IGF2BP2: variants seen among roughly 807,000 people sequenced by gnomAD.
IGF2BP2 encodes the protein insulin like growth factor 2 mRNA binding protein 2, also known as insulin-like growth factor 2 mRNA-binding protein 2.
A neutral mutation model predicts 75.8 loss-of-function variants in IGF2BP2; 17 were observed. The ratio of observed to expected loss-of-function variants is 0.22; its 90% CI spans 0.15 to 0.34. The LOEUF (loss-of-function observed/expected upper bound fraction) is 0.34, where lower values mean the gene tolerates loss of function less well. Among genes scored for constraint, IGF2BP2 ranks in the 10% least tolerant of loss-of-function variants. The pLI is 1.00. For missense variants in IGF2BP2, 516 were observed against 772.4 expected, an observed-to-expected ratio of 0.67 and a Z score of 3.93; for synonymous variants, 288 against 295.6, an observed-to-expected ratio of 0.97 and a Z score of 0.26.
chr3:185,710,152 ATTTT>A (rs567527407), intron 2 of IGF2BP2, among the ~76,000 whole-genome samples: 13 of 117,540 alleles, frequency 1.1e-4, no homozygotes, highest in South Asian at 2.6e-4. Flanking sequence ...GTAGTTTTAG[ATTTT>A]TTTTTTTTTT....
intron 7 of IGF2BP2, among the ~76,000 whole-genome samples, chr3:185,679,839 C>T (rs750601171): frequency 1.4e-4 from 22 of 152,166 alleles, no homozygotes; most frequent in Non-Finnish European, 2.5e-4. Flanking sequence ...TGGTCTTCAA[C>T]TCCTGACCTT....
At chr3:185,724,145 G>C (rs552867394) in intron 2 of IGF2BP2, among the ~76,000 whole-genome samples, 1 of 152,316 alleles carries the variant, frequency 6.6e-6, no homozygotes, top group South Asian at 2.1e-4. Flanking sequence ...CAGAAGAAGA[G>C]AGCCTTCCAG....
intron 2 of IGF2BP2, 73 bp from the exon 3 acceptor site, chr3:185,698,420 T>TA: frequency 1.7e-5 from 23 of 1,379,744 alleles, no homozygotes; most frequent in Non-Finnish European, 2.3e-5. Flanking sequence ...AAAACCGGCT[T>TA]AAACCCGTCA....
intron 2 of IGF2BP2, among the ~76,000 whole-genome samples, chr3:185,807,915 G>A (rs754252873): frequency 2.0e-5 from 3 of 152,192 alleles, no homozygotes; most frequent in Non-Finnish European, 4.4e-5. Context: ...GAAAGATGAT[G>A]AGTCAGAACA....
chr3:185,811,605 T>C (rs1739836124), intron 2 of IGF2BP2, among the ~76,000 whole-genome samples: 1 of 152,216 alleles, frequency 6.6e-6, no homozygotes, highest in Admixed American at 6.5e-5. Context: ...CATTTCCAAA[T>C]GGCAGCAGTT....
At chr3:185,669,886 C>G (rs1718254624) in intron 10 of IGF2BP2, among the ~76,000 whole-genome samples, 1 of 152,148 alleles carries the variant, frequency 6.6e-6, no homozygotes, top group Non-Finnish European at 1.5e-5. Flanking sequence ...CTGGGCCCAC[C>G]AGGGAAGCCC....
intron 10 of IGF2BP2, among the ~76,000 whole-genome samples, chr3:185,665,527 G>A (rs1198883312): frequency 6.1e-5 from 8 of 132,002 alleles, no homozygotes; most frequent in Admixed American, 2.3e-4. Flanking sequence ...GAAGGAGGAG[G>A]AGGAGAAGGA....
chr3:185,788,382 A>G (rs1478466181), intron 2 of IGF2BP2, among the ~76,000 whole-genome samples: 1 of 152,088 alleles, frequency 6.6e-6, no homozygotes, highest in Non-Finnish European at 1.5e-5. Context: ...AGCTGGGCAC[A>G]CACCTGTTGT....
At chr3:185,813,845 C>T (rs1232203920) in intron 2 of IGF2BP2, among the ~76,000 whole-genome samples, 1 of 152,200 alleles carries the variant, frequency 6.6e-6, no homozygotes, top group African/African-American at 2.4e-5. Context: ...ACACACCAGG[C>T]ACCACACTGC....
In IGF2BP2 at chr3:185,644,664, AAGGGG is replaced by A. The variant is rs890346799; in HGVS notation, c.*862_*866del. 6.9e-6 allele frequency: 1 copy of A among 144,092 alleles called. No homozygotes were observed. Among genetic ancestry groups the A allele is most frequent in the South Asian group, 2.5e-4 (1 of 3,966 alleles). The allele number at this position is 144,092 out of a possible 1,614,324, so 8.9% of individuals were successfully genotyped here. A position where few individuals can be genotyped will look rare whatever the true frequency, so the allele number is the denominator to read the frequency against. On this transcript the variant is annotated 3_prime_UTR_variant, in exon 16 of 16. Coordinates refer to ENST00000382199, the MANE Select transcript of IGF2BP2 (RefSeq NM_006548.6). ...ATTCAAAAGAATGGAGATGGAGAAG[AAGGGG>A]AGGGGAGGGAGGGGAGAGATAAACA... is the stretch of plus-strand genomic sequence containing the variant.
intron 2 of IGF2BP2, among the ~76,000 whole-genome samples, chr3:185,783,015 A>G (rs188880669): frequency 1.3e-5 from 2 of 152,218 alleles, no homozygotes; most frequent in East Asian, 3.8e-4. Flanking sequence ...CACAATTAAT[A>G]GTTCTAATTA....
At chr3:185,771,776 A>G (rs1005909390) in intron 2 of IGF2BP2, among the ~76,000 whole-genome samples, 1 of 152,052 alleles carries the variant, frequency 6.6e-6, no homozygotes, top group Non-Finnish European at 1.5e-5. Flanking sequence ...AAATACTATG[A>G]GCTTACTTGC....
At chr3:185,664,794 G>C (rs1717025813) in intron 10 of IGF2BP2, among the ~76,000 whole-genome samples, 1 of 152,134 alleles carries the variant, frequency 6.6e-6, no homozygotes, top group African/African-American at 2.4e-5. Flanking sequence ...AGTGAGGTTT[G>C]CTATAACTTT....
chr3:185,655,346 G>A (rs1003048267), intron 12 of IGF2BP2, among the ~76,000 whole-genome samples: 14 of 152,066 alleles, frequency 9.2e-5, no homozygotes, highest in African/African-American at 3.1e-4. Context: ...GCCCAGGCTG[G>A]TCTCCAACTC....
chr3:185,675,722 T>C, intron 8 of IGF2BP2, 69 bp downstream of exon 8: 2 of 1,537,158 alleles, frequency 1.3e-6, no homozygotes, highest in Admixed American at 2.0e-5. Context: ...AGTAGATGAA[T>C]GAACTAGACG....
chr3:185,795,904 A>G (rs1737311012), intron 2 of IGF2BP2, among the ~76,000 whole-genome samples: 1 of 152,150 alleles, frequency 6.6e-6, no homozygotes, highest in Admixed American at 6.5e-5. Flanking sequence ...GAAAAGAAAA[A>G]AGAAAATGAA....
intron 2 of IGF2BP2, chr3:185,729,761 G>A (rs1727885686): frequency 6.6e-6 from 1 of 152,166 alleles, no homozygotes; most frequent in South Asian, 2.1e-4. Flanking sequence ...TATCTGAAAA[G>A]GCTATTAAAA....
chr3:185,775,371 T>A (rs944756786), intron 2 of IGF2BP2, among the ~76,000 whole-genome samples: 7 of 152,216 alleles, frequency 4.6e-5, no homozygotes, highest in African/African-American at 1.7e-4. Flanking sequence ...TATATGTGGC[T>A]AAACTCTGGA....
chr3:185,664,778 G>A (rs1717022075), intron 10 of IGF2BP2, among the ~76,000 whole-genome samples: 1 of 152,160 alleles, frequency 6.6e-6, no homozygotes, highest in African/African-American at 2.4e-5. Flanking sequence ...CAGACACAAA[G>A]AGTAGAGTGA....
Sources: allele counts gnomAD v4.1 joint callset (sites outside exome capture counted in the v4.1 genomes callset), GRCh38; gene constraint gnomAD v4.1.1; transcripts MANE v1.5; gene names NCBI Gene and HGNC (gene_info 2026-07-23, HGNC 2026-07-21).